Variants in TRIM48 observed in about 807,000 individuals in gnomAD.
The protein encoded by TRIM48 is E3 ubiquitin-protein ligase TRIM48.
In TRIM48, 31 loss-of-function variants were observed where a neutral mutation model predicts 29.5. That is an observed-to-expected ratio of 1.05 (90% CI 0.79 to 1.42). The LOEUF (loss-of-function observed/expected upper bound fraction) is 1.42. TRIM48 is among the 40% of genes most tolerant of loss of function. TRIM48 has a pLI of 0.00. For synonymous variants in TRIM48, 128 were observed against 90.6 expected (o/e 1.41, Z -2.34); for missense variants, 344 against 265.0 (o/e 1.30, Z -2.07).
rs1241615535 is a variant in TRIM48, at chr11:55,270,606, G to A, written c.*171G>A. 5 of 1,583,172 alleles carry A rather than the reference G, an allele frequency of 3.2e-6. No individual in the cohort carries two copies. The highest frequency in any genetic ancestry group is 1.4e-5 in the African/African-American group (1 of 73,444). Reference sequence around the variant, plus strand: ...CTTTCACCTCTGGCAAATATTACTGGGAGGTCCATGTGGGGGACTCTTGGA... The same window carrying A: ...CTTTCACCTCTGGCAAATATTACTGAGAGGTCCATGTGGGGGACTCTTGGA... On this transcript the variant is annotated 3_prime_UTR_variant, in exon 6 of 6. Transcript: ENST00000417545.
At chr11:55,265,564 T>C (rs200383844) in intron 2 of TRIM48, 36 bp from the exon 3 acceptor site, 1 of 1,569,388 alleles carries the variant, frequency 6.4e-7, no homozygotes, top group Non-Finnish European at 8.7e-7. Flanking sequence ...TACTTTATTG[T>C]CTTCACTGGT....
At position 55,269,867 on chromosome 11, in the gene TRIM48, T is replaced by C. The variant is rs1235312552; in HGVS notation, c.*1+528T>C. Among the ~76,000 whole-genome samples, 8 of 147,974 alleles carry C rather than the reference T, an allele frequency of 5.4e-5. 2 individuals are homozygous for C. The highest frequency in any genetic ancestry group is 1.2e-4 in the Non-Finnish European group (8 of 66,968). On this transcript the variant is annotated intron_variant, in intron 5 of 5. Transcript: ENST00000417545. ...ACATCAAACAAAAAGAAGTTCAGTT[T>C]AATTGCAATATGAAAAGCTACATGT...
chr11:55,262,698 T>C (rs2120095492), intron 1 of TRIM48, among the ~76,000 whole-genome samples: 1 of 152,182 alleles, frequency 6.6e-6, no homozygotes, highest in Non-Finnish European at 1.5e-5. Flanking sequence ...CATTTACACA[T>C]AACTTTAAAT....
At chr11:55,266,606 A>C (rs1177233983) in intron 3 of TRIM48, among the ~76,000 whole-genome samples, 1 of 147,682 alleles carries the variant, frequency 6.8e-6, no homozygotes, top group Non-Finnish European at 1.5e-5. Flanking sequence ...AGAAAAGGAC[A>C]ATAGAGGCCA....
rs572449699 is a variant in TRIM48, at chr11:55,268,715, T to C, written c.578+343T>C. On this transcript the variant is annotated intron_variant, in intron 4 of 5. Transcript: ENST00000417545. ...AGTATTTTAGCAGTGAAAAAGTTGA[T>C]GATTTGTTGTTCATACCTATACACA... 3.4e-5 allele frequency among the ~76,000 whole-genome samples: 5 copies of C among 147,860 alleles called. 1 individual carries two copies. In the South Asian group the frequency reaches 1.2e-3, roughly 36 times the overall value.
At chr11:55,264,782 G>T (rs537423971) in intron 1 of TRIM48, 118 bp from the exon 2 acceptor site, 1 of 1,446,676 alleles carries the variant, frequency 6.9e-7, no homozygotes, top group Non-Finnish European at 9.4e-7. Flanking sequence ...GAAATAGTTT[G>T]TTGTGCTTTA....
At chr11:55,264,855 C>A (rs1590620514) in intron 1 of TRIM48, 45 bp from the exon 2 acceptor site, 2 of 1,581,060 alleles carry the variant, frequency 1.3e-6, no homozygotes, top group Non-Finnish European at 1.7e-6. Flanking sequence ...AGAAGCTTTT[C>A]ATCAACCCAG....
At position 55,266,456 on chromosome 11, in the gene TRIM48, A is replaced by C. The variant is rs1043769119; in HGVS notation, c.555+761A>C. 2.7e-5 allele frequency among the ~76,000 whole-genome samples: 4 copies of C among 147,830 alleles called. No individual in the cohort carries two copies. In the Admixed American group the frequency reaches 2.8e-4, roughly 10 times the overall value. ...TAAATTAGAAAATTTGCCAGTATAG[A>C]AGAAAGAAAGCATCTTTGTCCTCAC... On this transcript the variant is annotated intron_variant, in intron 3 of 5. Transcript: ENST00000417545.
chr11:55,267,404 CCGTA>C, intron 3 of TRIM48: 1 of 1,575,028 alleles, frequency 6.3e-7, no homozygotes, highest in African/African-American at 1.4e-5. Flanking sequence ...ATTATTACTG[CCGTA>C]TTATGTGAAT....
At position 55,269,470 on chromosome 11, in the gene TRIM48, A is replaced by G; in HGVS notation, c.*1+131A>G. On this transcript the variant is annotated intron_variant, in intron 5 of 5. Coordinates refer to ENST00000417545, the MANE Select transcript of TRIM48 (RefSeq NM_024114.5). Reference sequence around the variant, plus strand: ...GCATAAGAGAACAATATAATCATGCAACCCTTTTGTATCTGTGTCTGTATA... The same window carrying G: ...GCATAAGAGAACAATATAATCATGCGACCCTTTTGTATCTGTGTCTGTATA... 3.2e-6 allele frequency: 4 copies of G among 1,248,358 alleles called. No individual in the cohort carries two copies. In the East Asian group the frequency reaches 8.8e-5, roughly 27 times the overall value. 77.3% of individuals were successfully genotyped at this position (1,248,358 alleles called of 1,614,324 possible).
intron 5 of TRIM48, among the ~76,000 whole-genome samples, chr11:55,270,013 C>G (rs1172705249): frequency 6.8e-6 from 1 of 147,686 alleles, no homozygotes; most frequent in African/African-American, 2.5e-5. Flanking sequence ...GGATTTTTAT[C>G]CAGTTATCTA....
Position 55,270,622 on chromosome 11 carries a change from G to T in TRIM48, c.*187G>T. On this transcript the variant is annotated 3_prime_UTR_variant, in exon 6 of 6. Coordinates refer to ENST00000417545, the MANE Select transcript of TRIM48 (RefSeq NM_024114.5). ...ATATTACTGGGAGGTCCATGTGGGG[G>T]ACTCTTGGAATTGGGCTTTTGGTGT... The T allele has an allele frequency of 6.3e-7, 1 of 1,582,748 alleles. No individual in the cohort carries two copies. The highest frequency in any genetic ancestry group is 8.6e-7 in the Non-Finnish European group (1 of 1,165,182).
At position 55,264,147 on chromosome 11, in the gene TRIM48, A is replaced by G. The variant is rs748945546; in HGVS notation, c.45-753A>G. 8.1e-4 allele frequency among the ~76,000 whole-genome samples: 99 copies of G among 121,554 alleles called. 10 individuals carry two copies. Among genetic ancestry groups the G allele is most frequent in the Non-Finnish European group, 1.5e-3 (83 of 54,700 alleles). The allele number at this position is 121,554 out of a possible 152,430, so 79.7% of individuals were successfully genotyped here. A position where few individuals can be genotyped will look rare whatever the true frequency, so the allele number is the denominator to read the frequency against. On this transcript the variant is annotated intron_variant, in intron 1 of 5. Coordinates refer to ENST00000417545, the MANE Select transcript of TRIM48 (RefSeq NM_024114.5). Reference sequence around the variant, plus strand: ...TAATTACACCTCTTTAAGTTTAACAAAAATCCTACTATATGTTAGTTCAGA... The same window carrying G: ...TAATTACACCTCTTTAAGTTTAACAGAAATCCTACTATATGTTAGTTCAGA...
At chr11:55,266,145 G>C (rs1242425412) in intron 3 of TRIM48, among the ~76,000 whole-genome samples, 2 of 147,084 alleles carry the variant, frequency 1.4e-5, no homozygotes, top group African/African-American at 5.0e-5. Flanking sequence ...AGAGTGACAG[G>C]GGAAATCTAG....
intron 4 of TRIM48, among the ~76,000 whole-genome samples, chr11:55,268,832 G>T: frequency 6.8e-6 from 1 of 148,018 alleles, no homozygotes; most frequent in Non-Finnish European, 1.5e-5. Context: ...TAAAAGGCAG[G>T]TCTAGCTGCC....
chr11:55,266,095 C>T lies in TRIM48; in HGVS notation c.555+400C>T, dbSNP rs1341496856. On this transcript the variant is annotated intron_variant, in intron 3 of 5. Coordinates refer to ENST00000417545, the MANE Select transcript of TRIM48 (RefSeq NM_024114.5). ...CAGCATTAATCTGAATGCTGGTGGA[C>T]AAGTAGTATTTGGAATTGCATGGAA... is the stretch of plus-strand genomic sequence containing the variant. 7.5e-5 allele frequency among the ~76,000 whole-genome samples: 11 copies of T among 147,268 alleles called. 1 individual carries two copies. The highest frequency in any genetic ancestry group is 2.2e-4 in the African/African-American group (9 of 40,240).
chr11:55,265,400 A>G, intron 2 of TRIM48, 86 bp downstream of exon 2: 2 of 1,554,922 alleles, frequency 1.3e-6, no homozygotes, highest in South Asian at 1.2e-5. Flanking sequence ...GGTAAAGCCA[A>G]CTCTGAGTCC....
rs1857478761 is a variant in TRIM48 at position 55,271,036 on chromosome 11, T to C, written c.*601T>C. ...TATCAAACAGGACAAATAGGTTCGG[T>C]TTTATGTCTTGAATTGCATTCTAAT... On this transcript the variant is annotated 3_prime_UTR_variant, in exon 6 of 6. Coordinates refer to ENST00000417545, the MANE Select transcript of TRIM48 (RefSeq NM_024114.5). 5.1e-6 allele frequency: 7 copies of C among 1,385,298 alleles called. 1 individual carries two copies. Among genetic ancestry groups the C allele is most frequent in the Middle Eastern group, 2.7e-4 (1 of 3,756 alleles). 85.8% of individuals were successfully genotyped at this position (1,385,298 alleles called of 1,614,324 possible).
rs1286492326 is a variant in TRIM48, at chr11:55,262,288, G to C, written c.21G>C (p.Val7=). 1.3e-6 allele frequency: 2 copies of C among 1,548,690 alleles called. No individual in the cohort carries two copies. The highest frequency in any genetic ancestry group is 8.7e-7 in the Non-Finnish European group (1 of 1,146,234). The part of the protein sequence containing the change: MSRRII[V]GTLQRTQRNM... ...GAATTATGTCTCGAAGAATCATTGT[G>C]GGAACCCTTCAAAGAACCCAGCGGT... The change falls in exon 1 of 6, where the codon GTG becomes GTC. Residue 7 remains valine, a synonymous_variant. Transcript: ENST00000417545.
Sources: allele counts gnomAD v4.1 joint callset (sites outside exome capture counted in the v4.1 genomes callset), GRCh38; gene constraint gnomAD v4.1.1; transcripts MANE v1.5; gene names NCBI Gene and HGNC (gene_info 2026-07-23, HGNC 2026-07-21).